The following AK3 variants were observed in gnomAD, a reference collection of about 807,000 sequenced individuals.
The protein encoded by AK3 is GTP:AMP phosphotransferase AK3, mitochondrial.
In AK3, 27 loss-of-function variants were observed where a neutral mutation model predicts 23.7. That is an observed-to-expected ratio of 1.14 (90% CI 0.84 to 1.57). The LOEUF (loss-of-function observed/expected upper bound fraction) is 1.57, where lower values mean the gene tolerates loss of function less well. AK3 is among the 40% of genes most tolerant of loss of function. AK3 has a pLI of 0.00. For missense variants in AK3, 406 were observed against 285.6 expected, an observed-to-expected ratio of 1.42 and a Z score of -3.04; for synonymous variants, 159 against 116.0, an observed-to-expected ratio of 1.37 and a Z score of -2.38.
At chr9:4,740,276 G>C (rs1035615802) in intron 1 of AK3, among the ~76,000 whole-genome samples, 1 of 152,136 alleles carries the variant, frequency 6.6e-6, no homozygotes, top group Non-Finnish European at 1.5e-5. Flanking sequence ...GTATAGTGTA[G>C]ATTGTTAACT....
rs756641369 is a variant in AK3, at chr9:4,740,936, C to G, written c.151+1G>C. On this transcript the variant is annotated splice_donor_variant, in intron 1 of 4. Transcript: ENST00000381809. LOFTEE classifies it high-confidence loss of function. ...GCCGGCCCTGGGCCCAGAGCTCCCA[C>G]CTGTGCCCCGCAGCATGTTGTCCCG... is the stretch of plus-strand genomic sequence containing the variant. The G allele has an allele frequency of 6.4e-7, 1 of 1,562,848 alleles. No homozygotes were observed. Among genetic ancestry groups the G allele is most frequent in the Non-Finnish European group, 8.6e-7 (1 of 1,156,632 alleles).
intron 4 of AK3, among the ~76,000 whole-genome samples, chr9:4,714,363 A>G (rs1841663756): frequency 6.6e-6 from 1 of 152,224 alleles, no homozygotes; most frequent in Non-Finnish European, 1.5e-5. Context: ...GGACAAAAGC[A>G]TTCTTCCCTT....
rs750272249 is a variant in AK3, at chr9:4,712,946, C to A, written c.*30G>T. On this transcript the variant is annotated 3_prime_UTR_variant, in exon 5 of 5. Transcript: ENST00000381809. ...TGCAAGGACTAGGAGGTTTGCCCAT[C>A]TTACTATTAATAGTTACACACATTT... is the stretch of plus-strand genomic sequence containing the variant. The A allele has an allele frequency of 1.2e-6, 2 of 1,605,482 alleles. No individual in the cohort carries two copies. Among genetic ancestry groups the A allele is most frequent in the South Asian group, 2.2e-5 (2 of 89,734 alleles).
At chr9:4,718,372 C>T (rs770959699) in intron 4 of AK3, 47 bp downstream of exon 4, 24 of 1,401,078 alleles carry the variant, frequency 1.7e-5, no homozygotes, top group South Asian at 3.5e-5. Context: ...CAAAACTAGA[C>T]TTAGTGCACC....
intron 2 of AK3, among the ~76,000 whole-genome samples, chr9:4,721,414 A>C (rs1280980397): frequency 2.4e-5 from 3 of 125,170 alleles, no homozygotes; most frequent in Non-Finnish European, 5.1e-5. Flanking sequence ...ATTAAAAAAA[A>C]AAAAAAAGTG....
At chr9:4,720,454 C>A (rs946057724) in intron 2 of AK3, among the ~76,000 whole-genome samples, 1 of 152,056 alleles carries the variant, frequency 6.6e-6, no homozygotes, top group Non-Finnish European at 1.5e-5. Flanking sequence ...GAGGCTGAGG[C>A]GGGAGGACTG....
intron 1 of AK3, among the ~76,000 whole-genome samples, chr9:4,733,926 G>A (rs1842212048): frequency 1.3e-5 from 2 of 152,202 alleles, no homozygotes; most frequent in Admixed American, 6.5e-5. Flanking sequence ...GGAACTGGAA[G>A]CTCCCCCTCT....
chr9:4,722,479 G>A lies in AK3; in HGVS notation c.271+27C>T, dbSNP rs753953279. On this transcript the variant is annotated intron_variant, in intron 2 of 4. Coordinates refer to ENST00000381809, the MANE Select transcript of AK3 (RefSeq NM_016282.4). ...TGCCAGCACTGATTATTTTGGGCAG[G>A]TGAAATGCTCATGAGACTCCACTTA... is the stretch of plus-strand genomic sequence containing the variant. 64 of 1,613,754 alleles carry A rather than the reference G, an allele frequency of 4.0e-5. No individual in the cohort carries two copies. The East Asian group carries it at 1.2e-3, about 31-fold the overall frequency.
At chr9:4,722,759 T>A in intron 1 of AK3, 134 bp from the exon 2 acceptor site, 3 of 1,364,926 alleles carry the variant, frequency 2.2e-6, no homozygotes, top group South Asian at 2.7e-5. Context: ...ACTTTTCTGA[T>A]AAAAACAAAG....
chr9:4,735,462 ATGTGT>A (rs1563798634), intron 1 of AK3, among the ~76,000 whole-genome samples: 29 of 78,498 alleles, frequency 3.7e-4, no homozygotes, highest in South Asian at 2.1e-3. Flanking sequence ...TACATAGTAT[ATGTGT>A]ATATATATAT....
chr9:4,731,593 A>C (rs1241647568), intron 1 of AK3, among the ~76,000 whole-genome samples: 12 of 151,024 alleles, frequency 7.9e-5, no homozygotes, highest in Non-Finnish European at 1.6e-4. Flanking sequence ...AAAAAGACTT[A>C]ACTCCCTAAT....
chr9:4,717,658 T>TG (rs1223446255), intron 4 of AK3, among the ~76,000 whole-genome samples: 3 of 152,236 alleles, frequency 2.0e-5, no homozygotes, highest in Non-Finnish European at 4.4e-5. Context: ...CTCGAGCACC[T>TG]GTACAACCAT....
chr9:4,720,475 G>T (rs1160503053), intron 2 of AK3, among the ~76,000 whole-genome samples: 1 of 152,114 alleles, frequency 6.6e-6, no homozygotes, highest in Non-Finnish European at 1.5e-5. Context: ...CTTGAGCCCA[G>T]GAGTTTGAGA....
intron 2 of AK3, among the ~76,000 whole-genome samples, chr9:4,721,615 C>G (rs1215532106): frequency 6.6e-6 from 1 of 152,084 alleles, no homozygotes; most frequent in East Asian, 2.0e-4. Flanking sequence ...TGCGCCATCA[C>G]GCCCGGCTAA....
At chr9:4,736,693 T>G (rs1842302082) in intron 1 of AK3, among the ~76,000 whole-genome samples, 1 of 152,048 alleles carries the variant, frequency 6.6e-6, no homozygotes, top group African/African-American at 2.4e-5. Flanking sequence ...TGTCTCCTTT[T>G]TTTTTTTGAG....
intron 2 of AK3, 102 bp from the exon 3 acceptor site, chr9:4,719,409 T>G: frequency 2.9e-6 from 3 of 1,026,156 alleles, no homozygotes; most frequent in African/African-American, 1.6e-5. Flanking sequence ...AGAATTAATG[T>G]TGGACAATCT....
chr9:4,739,064 C>T (rs940752518), intron 1 of AK3, among the ~76,000 whole-genome samples: 16 of 151,792 alleles, frequency 1.1e-4, no homozygotes, highest in African/African-American at 3.9e-4. Context: ...TGAGCCATTG[C>T]GCCAGGCCTA....
chr9:4,728,832 CATAT>C lies in AK3; in HGVS notation c.152-6211_152-6208del, dbSNP rs145541536. Among the ~76,000 whole-genome samples the C allele has an allele frequency of 2.8e-4, 24 of 86,856 alleles. No homozygotes were observed. The South Asian group carries it at 3.2e-3, about 12-fold the overall frequency. 57.0% of individuals were successfully genotyped at this position (86,856 alleles called of 152,430 possible). A position where few individuals can be genotyped will look rare whatever the true frequency, so the allele number is the denominator to read the frequency against. ...GCAACACAGCAAGACCATGTCTCTA[CATAT>C]ATATATATATATATATATATATATA... is the stretch of plus-strand genomic sequence containing the variant. On this transcript the variant is annotated intron_variant, in intron 1 of 4. Coordinates refer to ENST00000381809, the MANE Select transcript of AK3 (RefSeq NM_016282.4).
chr9:4,739,702 C>T (rs539339446), intron 1 of AK3, among the ~76,000 whole-genome samples: 1 of 151,976 alleles, frequency 6.6e-6, no homozygotes, highest in South Asian at 2.1e-4. Flanking sequence ...AAGGCCGAGC[C>T]GGGTGGATCA....
Sources: gnomAD v4.1 joint callset for allele counts (sites outside exome capture counted in the v4.1 genomes callset) on GRCh38, gnomAD v4.1.1 for gene constraint, MANE v1.5 for transcripts, NCBI Gene and HGNC (gene_info 2026-07-23, HGNC 2026-07-21) for gene names.